BLNK: variants seen among roughly 807,000 people sequenced by gnomAD.
BLNK encodes B-cell linker protein.
Under a neutral mutation model 73.5 loss-of-function variants are expected in BLNK, and 29 were observed. The ratio of observed to expected loss-of-function variants is 0.39; its 90% CI spans 0.29 to 0.54. BLNK has a LOEUF of 0.54. Among genes scored for constraint, BLNK ranks in the 20% least tolerant of loss-of-function variants. The pLI is 0.61. For missense variants in BLNK, 460 were observed against 562.8 expected (o/e 0.82, Z 1.85); for synonymous variants, 176 against 200.8 (o/e 0.88, Z 1.04).
At chr10:96,248,455 C>T (rs573210535) in intron 1 of BLNK, among the ~76,000 whole-genome samples, 6 of 152,292 alleles carry the variant, frequency 3.9e-5, no homozygotes, top group South Asian at 2.1e-4. Flanking sequence ...GATGTCTTTT[C>T]GCCTATCAGA....
intron 6 of BLNK, 108 bp from the exon 7 acceptor site, chr10:96,216,842 C>G: frequency 1.1e-6 from 1 of 904,686 alleles, no homozygotes; most frequent in South Asian, 1.4e-5. Flanking sequence ...ATTCACATAT[C>G]ATAAAATTCT....
chr10:96,203,285 A>C (rs908141889), intron 13 of BLNK, among the ~76,000 whole-genome samples: 43 of 152,344 alleles, frequency 2.8e-4, no homozygotes, highest in African/African-American at 9.9e-4. Flanking sequence ...TTGTGTTGTC[A>C]GAATTTTTTT....
At chr10:96,249,489 A>T (rs1488784664) in intron 1 of BLNK, among the ~76,000 whole-genome samples, 1 of 152,242 alleles carries the variant, frequency 6.6e-6, no homozygotes, top group African/African-American at 2.4e-5. Context: ...GGTCTGCTCT[A>T]TTGAGGGCAG....
chr10:96,195,723 C>G lies in BLNK; in HGVS notation c.1251+1185G>C, dbSNP rs117726465. On this transcript the variant is annotated intron_variant, in intron 16 of 16. Transcript: ENST00000224337. Reference sequence around the variant, plus strand: ...TATAAGATGAACAAGTTCTGGAGATCTGTTTCACAACAATGTAAATATACT... The same window carrying G: ...TATAAGATGAACAAGTTCTGGAGATGTGTTTCACAACAATGTAAATATACT... Among the ~76,000 whole-genome samples the G allele has an allele frequency of 1.7e-3, 258 of 152,316 alleles. 5 individuals carry two copies. In the East Asian group the frequency reaches 0.031, roughly 18 times the overall value.
chr10:96,249,897 A>C (rs1843209532), intron 1 of BLNK, among the ~76,000 whole-genome samples: 2 of 152,264 alleles, frequency 1.3e-5, no homozygotes, highest in East Asian at 3.9e-4. Flanking sequence ...ACTGGCATGG[A>C]AGGGTGGAGG....
intron 11 of BLNK, 160 bp from the exon 12 acceptor site, chr10:96,204,776 G>T: frequency 1.5e-6 from 1 of 662,464 alleles, no homozygotes; most frequent in Non-Finnish European, 2.7e-6. Flanking sequence ...TTGCCAGTCT[G>T]TTGATGTGGT....
At chr10:96,254,499 G>GTTTTTTTTTT (rs113008211) in intron 1 of BLNK, among the ~76,000 whole-genome samples, 1 of 146,360 alleles carries the variant, frequency 6.8e-6, no homozygotes, top group African/African-American at 2.6e-5. Context: ...TCTTCAATGA[G>GTTTTTTTTTT]TTTTTTTTTT....
intron 8 of BLNK, chr10:96,210,138 G>A (rs2083913729): frequency 1.7e-6 from 1 of 576,596 alleles, no homozygotes; most frequent in African/African-American, 1.9e-5. Context: ...GGGGGTTAGG[G>A]ACTCCACCTT....
In BLNK at chr10:96,190,266, A is replaced by C; in HGVS notation, c.*1707T>G. The C allele has an allele frequency of 1.4e-6, 1 of 712,910 alleles. No homozygotes were observed. 44.2% of individuals were successfully genotyped at this position (712,910 alleles called of 1,614,324 possible). A position where few individuals can be genotyped will look rare whatever the true frequency, so the allele number is the denominator to read the frequency against. The stretch of plus-strand genomic sequence containing the variant: ...GTGGGAGAGAAAGCAGACGGAGATA[A>C]ACGACCACTGCTCAAGAGAACAGCC... On this transcript the variant is annotated 3_prime_UTR_variant, in exon 17 of 17. Coordinates refer to ENST00000224337, the MANE Select transcript of BLNK (RefSeq NM_013314.4).
At chr10:96,208,818 A>C (rs1388969972) in intron 9 of BLNK, among the ~76,000 whole-genome samples, 7 of 152,200 alleles carry the variant, frequency 4.6e-5, no homozygotes, top group Non-Finnish European at 1.0e-4. Context: ...GTGACATTTT[A>C]AGGTGAGGAA....
intron 3 of BLNK, among the ~76,000 whole-genome samples, chr10:96,235,663 A>G (rs1554904944): frequency 6.6e-6 from 1 of 152,222 alleles, no homozygotes; most frequent in Non-Finnish European, 1.5e-5. Flanking sequence ...GCCCAGTGAC[A>G]GCCAAAAACT....
chr10:96,266,092 T>C (rs1299617692), intron 1 of BLNK, among the ~76,000 whole-genome samples: 1 of 152,234 alleles, frequency 6.6e-6, no homozygotes, highest in Non-Finnish European at 1.5e-5. Flanking sequence ...TCCTTTAATT[T>C]TTCTCTCCCT....
At chr10:96,260,861 T>G (rs1843724040) in intron 1 of BLNK, among the ~76,000 whole-genome samples, 1 of 152,004 alleles carries the variant, frequency 6.6e-6, no homozygotes, top group Non-Finnish European at 1.5e-5. Flanking sequence ...TTTTTTTTTT[T>G]GAGACAGGGT....
chr10:96,267,342 GT>G (rs1384859351), intron 1 of BLNK, among the ~76,000 whole-genome samples: 1 of 152,170 alleles, frequency 6.6e-6, no homozygotes, highest in Non-Finnish European at 1.5e-5. Flanking sequence ...AACCTGCAGG[GT>G]GTGGTAGGTG....
At chr10:96,215,053 C>T (rs587658760) in intron 8 of BLNK, among the ~76,000 whole-genome samples, 53 of 152,166 alleles carry the variant, frequency 3.5e-4, no homozygotes, top group African/African-American at 1.3e-3. Context: ...TTCCGGGACC[C>T]CCTCAGTCAA....
At chr10:96,220,730 C>A (rs1253046181) in intron 6 of BLNK, among the ~76,000 whole-genome samples, 1 of 136,670 alleles carries the variant, frequency 7.3e-6, no homozygotes, top group Non-Finnish European at 1.7e-5. Flanking sequence ...ACTACCATGA[C>A]CTACAGGTAT....
intron 8 of BLNK, among the ~76,000 whole-genome samples, chr10:96,213,543 C>T (rs1218309908): frequency 9.2e-5 from 14 of 152,092 alleles, no homozygotes; most frequent in Admixed American, 6.5e-4. Flanking sequence ...AGTGAGAACA[C>T]AAAGACCAAG....
intron 6 of BLNK, among the ~76,000 whole-genome samples, chr10:96,220,316 G>A (rs1442151172): frequency 6.6e-6 from 1 of 152,034 alleles, no homozygotes. Context: ...CGAACCCCAG[G>A]TATTTACCCC....
chr10:96,242,204 A>AT (rs1432974952), intron 3 of BLNK, among the ~76,000 whole-genome samples: 5 of 152,002 alleles, frequency 3.3e-5, no homozygotes, highest in African/African-American at 9.7e-5. Context: ...AAATCTGATG[A>AT]TTTTATCCAG....
Sources: gnomAD v4.1 joint callset for allele counts (sites outside exome capture counted in the v4.1 genomes callset) on GRCh38, gnomAD v4.1.1 for gene constraint, MANE v1.5 for transcripts, NCBI Gene and HGNC (gene_info 2026-07-23, HGNC 2026-07-21) for gene names.